The following PPIP5K1 variants were observed in gnomAD, a reference collection of about 807,000 sequenced individuals.
PPIP5K1 encodes the protein inositol hexakisphosphate and diphosphoinositol-pentakisphosphate kinase 1.
Under a neutral mutation model 27.7 loss-of-function variants are expected in PPIP5K1, and 6 were observed. The observed-to-expected ratio is 0.22, with a 90% confidence interval of 0.12 to 0.43. PPIP5K1 has a LOEUF of 0.43. Among genes scored for constraint, PPIP5K1 ranks in the 20% least tolerant of loss-of-function variants. The pLI is 1.00. For synonymous variants in PPIP5K1, 145 were observed against 242.6 expected, an observed-to-expected ratio of 0.60 and a Z score of 3.74; for missense variants, 394 against 635.4, an observed-to-expected ratio of 0.62 and a Z score of 4.08.
At position 43,535,484 on chromosome 15, in the gene PPIP5K1, G is replaced by A. The variant is rs1326985193; in HGVS notation, c.3671-8C>T. 1.3e-6 allele frequency: 2 copies of A among 1,548,070 alleles called. No individual in the cohort carries two copies. The highest frequency in any genetic ancestry group is 4.1e-5 in the Admixed American group (2 of 48,752). On this transcript the variant is annotated splice_polypyrimidine_tract_variant and splice_region_variant and intron_variant, in intron 31 of 31. Transcript: ENST00000420765. Reference sequence around the variant, plus strand: ...TAGAAGGGCCACTGCTGTCTGTAAAGCAAAGTCAAGAGATCAAGTTAGAGA... The same window carrying A: ...TAGAAGGGCCACTGCTGTCTGTAAAACAAAGTCAAGAGATCAAGTTAGAGA...
intron 30 of PPIP5K1, among the ~76,000 whole-genome samples, chr15:43,554,634 G>T (rs2254937): frequency 7.0e-6 from 1 of 141,926 alleles, no homozygotes; most frequent in Non-Finnish European, 1.6e-5. Flanking sequence ...CACACACACA[G>T]ACACACACAC....
intron 29 of PPIP5K1, among the ~76,000 whole-genome samples, chr15:43,559,699 G>A (rs2083530768): frequency 6.6e-6 from 1 of 151,806 alleles, no homozygotes; most frequent in African/African-American, 2.4e-5. Context: ...TTCCAATGTA[G>A]GTCTATCAGT....
chr15:43,541,952 A>T (rs528294244), intron 30 of PPIP5K1, among the ~76,000 whole-genome samples: 2 of 152,312 alleles, frequency 1.3e-5, no homozygotes, highest in Admixed American at 6.5e-5. Flanking sequence ...TGTGCTGTAT[A>T]TTGCATCATA....
At chr15:43,545,200 A>T (rs2081226757) in intron 30 of PPIP5K1, among the ~76,000 whole-genome samples, 1 of 151,372 alleles carries the variant, frequency 6.6e-6, no homozygotes, top group Non-Finnish European at 1.5e-5. Flanking sequence ...AAAAAAGTGG[A>T]TTATTGGATC....
rs368424032 is a variant in PPIP5K1, at chr15:43,540,841, G to A, written c.3557-1258C>T. ...TGTGCCACTGCACTCTACCATGGGC[G>A]ACAGAGAGAGACTCTGTCTCAAAAA... is the stretch of plus-strand genomic sequence containing the variant. On this transcript the variant is annotated intron_variant, in intron 30 of 31. Coordinates refer to ENST00000420765, the MANE Select transcript of PPIP5K1 (RefSeq NM_001394395.1). 6.1e-5 allele frequency among the ~76,000 whole-genome samples: 8 copies of A among 131,448 alleles called. No homozygotes were observed. In the East Asian group the frequency reaches 1.5e-3, roughly 25 times the overall value. 86.2% of individuals were successfully genotyped at this position (131,448 alleles called of 152,430 possible).
intron 30 of PPIP5K1, among the ~76,000 whole-genome samples, chr15:43,544,719 A>T (rs2081156729): frequency 6.6e-6 from 1 of 151,638 alleles, no homozygotes; most frequent in Non-Finnish European, 1.5e-5. Context: ...TCACTTGAAC[A>T]CAGGATTCCA....
chr15:43,546,654 ATTTTTTTTTT>A (rs58966502), intron 30 of PPIP5K1, among the ~76,000 whole-genome samples: 34,430 of 107,260 alleles, frequency 0.32, 7,398 homozygotes, highest in African/African-American at 0.64. Flanking sequence ...CCTGTTTTCA[ATTTTTTTTTT>A]TTTTTTTTTT....
intron 30 of PPIP5K1, among the ~76,000 whole-genome samples, chr15:43,542,353 ACGATCACAGCTC>A (rs1418128520): frequency 1.3e-5 from 2 of 150,036 alleles, no homozygotes; most frequent in Non-Finnish European, 2.9e-5. Context: ...GTGCTGTGGT[ACGATCACAGCTC>A]ACTGCAGCCT....
At chr15:43,551,767 T>G (rs1397259713) in intron 30 of PPIP5K1, among the ~76,000 whole-genome samples, 1 of 150,088 alleles carries the variant, frequency 6.7e-6, no homozygotes, top group Non-Finnish European at 1.5e-5. Flanking sequence ...TACGCCTGGC[T>G]AATTTTTTTG....
At position 43,535,132 on chromosome 15, in the gene PPIP5K1, CCTT is replaced by C; in HGVS notation, c.4012_4014del (p.Lys1338del). 1 of 1,613,834 alleles carries C rather than the reference CCTT, an allele frequency of 6.2e-7. No individual in the cohort carries two copies. Among genetic ancestry groups the C allele is most frequent in the African/African-American group, 1.3e-5 (1 of 74,920 alleles). On this transcript the variant is annotated inframe_deletion, in exon 32 of 32. Coordinates refer to ENST00000420765, the MANE Select transcript of PPIP5K1 (RefSeq NM_001394395.1). ...TGGCATTGCTGGCTGATGTCAGGGACCTTCTGACATGGCTGGCTGAGCGCCTCA... is the reference window on the plus strand; with the variant it reads ...TGGCATTGCTGGCTGATGTCAGGGACCTGACATGGCTGGCTGAGCGCCTCA...
At chr15:43,579,435 TACAC>T (rs972130895) in intron 10 of PPIP5K1, among the ~76,000 whole-genome samples, 4 of 110,566 alleles carry the variant, frequency 3.6e-5, no homozygotes, top group Admixed American at 1.6e-4. Context: ...TATGTGTACA[TACAC>T]ACACGTATGT....
At chr15:43,542,646 C>CTGTG (rs1389315291) in intron 30 of PPIP5K1, among the ~76,000 whole-genome samples, 1 of 95,652 alleles carries the variant, frequency 1.0e-5, no homozygotes, top group Non-Finnish European at 2.7e-5. Context: ...TATATATATT[C>CTGTG]AGTGTGTGTG....
chr15:43,544,672 T>C (rs1689510043), intron 30 of PPIP5K1, among the ~76,000 whole-genome samples: 1 of 152,130 alleles, frequency 6.6e-6, no homozygotes, highest in South Asian at 2.1e-4. Context: ...GGCACATGCC[T>C]GTAGTCCCAG....
At position 43,580,306 on chromosome 15, in the gene PPIP5K1, A is replaced by C. The variant is rs1305804873; in HGVS notation, c.1061+696T>G. ...CTATATTCCTAATATTTTATTTCTT[A>C]AGCTAGGTGGTGAATACATAGATGC... On this transcript the variant is annotated intron_variant, in intron 10 of 31. Coordinates refer to ENST00000420765, the MANE Select transcript of PPIP5K1 (RefSeq NM_001394395.1). 3.2e-4 allele frequency among the ~76,000 whole-genome samples: 17 copies of C among 52,730 alleles called. No individual in the cohort carries two copies. The East Asian group carries it at 9.5e-3, about 29-fold the overall frequency. The allele number at this position is 52,730 out of a possible 152,430, so 34.6% of individuals were successfully genotyped here. A position where few individuals can be genotyped will look rare whatever the true frequency, so the allele number is the denominator to read the frequency against.
At chr15:43,556,771 C>G (rs1302452395) in intron 30 of PPIP5K1, among the ~76,000 whole-genome samples, 1 of 152,176 alleles carries the variant, frequency 6.6e-6, no homozygotes, top group Non-Finnish European at 1.5e-5. Flanking sequence ...AACCAGGAAC[C>G]AGGGTCCTAC....
intron 30 of PPIP5K1, among the ~76,000 whole-genome samples, chr15:43,557,126 T>C (rs2083064903): frequency 6.6e-6 from 1 of 152,122 alleles, no homozygotes; most frequent in Non-Finnish European, 1.5e-5. Flanking sequence ...AAATGCCTAT[T>C]CAATTTACCC....
intron 29 of PPIP5K1, among the ~76,000 whole-genome samples, chr15:43,560,177 GA>G (rs2083604850): frequency 6.6e-6 from 1 of 151,640 alleles, no homozygotes; most frequent in Admixed American, 6.6e-5. Flanking sequence ...CAGAACTGGG[GA>G]ATGAGTAACA....
At chr15:43,554,899 G>A (rs961380344) in intron 30 of PPIP5K1, among the ~76,000 whole-genome samples, 4 of 151,680 alleles carry the variant, frequency 2.6e-5, no homozygotes, top group Non-Finnish European at 4.4e-5. Context: ...CCAGTAGCAC[G>A]ATCTTGGCTC....
intron 30 of PPIP5K1, among the ~76,000 whole-genome samples, chr15:43,541,066 G>A (rs936217544): frequency 1.3e-5 from 2 of 151,930 alleles, no homozygotes; most frequent in African/African-American, 4.8e-5. Flanking sequence ...ACTGCATCTC[G>A]TTATGTCTTT....
Sources: allele counts gnomAD v4.1 joint callset (sites outside exome capture counted in the v4.1 genomes callset), GRCh38; gene constraint gnomAD v4.1.1; transcripts MANE v1.5; gene names NCBI Gene and HGNC (gene_info 2026-07-23, HGNC 2026-07-21).